Variants in RALYL observed in about 807,000 individuals in gnomAD.
The protein encoded by RALYL is RALY RNA binding protein like, also known as RNA-binding Raly-like protein.
In RALYL, 29 loss-of-function variants were observed where a neutral mutation model predicts 35.1. The ratio of observed to expected loss-of-function variants is 0.83; its 90% CI spans 0.61 to 1.13. The LOEUF (loss-of-function observed/expected upper bound fraction) is 1.13. Among genes scored for constraint, RALYL ranks in the 50% most tolerant of loss-of-function variants. The probability of loss-of-function intolerance (pLI) is 0.00; values close to 1 mark genes in which losing one functional copy is unlikely to be tolerated. For synonymous variants in RALYL, 120 were observed against 127.6 expected (o/e 0.94, Z 0.40); for missense variants, 359 against 360.4 (o/e 1.00, Z 0.03).
intron 1 of RALYL, among the ~76,000 whole-genome samples, chr8:84,250,575 A>T (rs754970556): frequency 6.6e-6 from 1 of 152,082 alleles, no homozygotes; most frequent in Admixed American, 6.6e-5. Context: ...TGATTGGTAT[A>T]TTAATTATAG....
At chr8:84,757,367 A>G (rs1490875913) in intron 2 of RALYL, among the ~76,000 whole-genome samples, 9 of 152,168 alleles carry the variant, frequency 5.9e-5, no homozygotes, top group Non-Finnish European at 1.3e-4. Flanking sequence ...CAATTTATAT[A>G]CAAGTACAGT....
intron 1 of RALYL, among the ~76,000 whole-genome samples, chr8:84,433,300 G>T (rs1393088411): frequency 6.6e-6 from 1 of 152,066 alleles, no homozygotes; most frequent in Non-Finnish European, 1.5e-5. Context: ...AATCAGATCA[G>T]TATTTAGGTC....
At chr8:84,350,571 A>G (rs1457406974) in intron 1 of RALYL, among the ~76,000 whole-genome samples, 4 of 150,210 alleles carry the variant, frequency 2.7e-5, no homozygotes, top group Non-Finnish European at 4.4e-5. Context: ...TTAGTAAGTA[A>G]AAACAAGCCA....
intron 2 of RALYL, among the ~76,000 whole-genome samples, chr8:84,735,812 G>GAGAGAT (rs1491238221): frequency 2.9e-5 from 1 of 34,066 alleles, no homozygotes; most frequent in African/African-American, 1.2e-4. Context: ...TCCAAACCGC[G>GAGAGAT]AGAGAGAGAG....
At chr8:84,689,333 G>C (rs1450718123) in intron 2 of RALYL, among the ~76,000 whole-genome samples, 5 of 151,960 alleles carry the variant, frequency 3.3e-5, no homozygotes, top group African/African-American at 1.2e-4. Flanking sequence ...GCGGTGTTTG[G>C]TTTTTTGTTC....
intron 1 of RALYL, among the ~76,000 whole-genome samples, chr8:84,383,513 G>C (rs760056350): frequency 6.6e-6 from 1 of 151,502 alleles, no homozygotes; most frequent in East Asian, 1.9e-4. Flanking sequence ...TGGAAATTTT[G>C]TGTTATTTTA....
intron 1 of RALYL, among the ~76,000 whole-genome samples, chr8:84,224,508 G>A (rs1158381980): frequency 6.6e-6 from 1 of 152,094 alleles, no homozygotes; most frequent in African/African-American, 2.4e-5. Flanking sequence ...AGTGTTCTCT[G>A]TGCACAGAGA....
At chr8:84,513,031 A>C (rs2057753749) in intron 1 of RALYL, among the ~76,000 whole-genome samples, 1 of 151,996 alleles carries the variant, frequency 6.6e-6, no homozygotes, top group South Asian at 2.1e-4. Context: ...GTTCCATATA[A>C]ATTTTAGTAT....
At chr8:84,844,362 G>T (rs1834124019) in intron 4 of RALYL, among the ~76,000 whole-genome samples, 1 of 152,132 alleles carries the variant, frequency 6.6e-6, no homozygotes, top group Admixed American at 6.5e-5. Flanking sequence ...AAAAACACAT[G>T]AAAAAATGCT....
At chr8:84,547,977 G>A (rs1413620412) in intron 2 of RALYL, among the ~76,000 whole-genome samples, 1 of 151,808 alleles carries the variant, frequency 6.6e-6, no homozygotes, top group Non-Finnish European at 1.5e-5. Context: ...TATCCTTGAA[G>A]GTCACTTTTA....
At chr8:84,689,767 A>T (rs1454731962) in intron 2 of RALYL, among the ~76,000 whole-genome samples, 1 of 152,178 alleles carries the variant, frequency 6.6e-6, no homozygotes, top group Non-Finnish European at 1.5e-5. Flanking sequence ...AATGTTTGCC[A>T]TTCTAACTGG....
At chr8:84,744,150 GAGAT>G (rs1808054105) in intron 2 of RALYL, among the ~76,000 whole-genome samples, 2 of 152,008 alleles carry the variant, frequency 1.3e-5, no homozygotes, top group Non-Finnish European at 2.9e-5. Context: ...AAATGGGCAG[GAGAT>G]AGTTAGATAT....
At chr8:84,276,368 C>A (rs775969094) in intron 1 of RALYL, among the ~76,000 whole-genome samples, 4 of 152,172 alleles carry the variant, frequency 2.6e-5, no homozygotes, top group Non-Finnish European at 5.9e-5. Context: ...TGTGGCTCAG[C>A]AAATGGGATT....
At chr8:84,419,703 C>G (rs1034178697) in intron 1 of RALYL, among the ~76,000 whole-genome samples, 4 of 119,134 alleles carry the variant, frequency 3.4e-5, no homozygotes, top group East Asian at 3.0e-4. Context: ...CCCCTCCCCC[C>G]ACCCCACAAC....
intron 1 of RALYL, among the ~76,000 whole-genome samples, chr8:84,444,399 C>A (rs1317750363): frequency 6.6e-6 from 1 of 151,912 alleles, no homozygotes; most frequent in African/African-American, 2.4e-5. Context: ...ACAAGAACAT[C>A]AAGACAAAAC....
At chr8:84,584,472 G>A (rs151297137) in intron 2 of RALYL, among the ~76,000 whole-genome samples, 133 of 152,046 alleles carry the variant, frequency 8.7e-4, no homozygotes, top group African/African-American at 2.9e-3. Context: ...GCATGGTGGC[G>A]TGCATCTGTA....
chr8:84,334,377 C>T (rs1234903131), intron 1 of RALYL, among the ~76,000 whole-genome samples: 1 of 151,574 alleles, frequency 6.6e-6, no homozygotes, highest in Non-Finnish European at 1.5e-5. Flanking sequence ...TTTATGTAAG[C>T]TATATAAATG....
chr8:84,336,820 C>G lies in RALYL; in HGVS notation c.-24+152396C>G, dbSNP rs921753203. Among the ~76,000 whole-genome samples, 9 of 152,116 alleles carry G rather than the reference C, an allele frequency of 5.9e-5. No homozygotes were observed. In the East Asian group the frequency reaches 1.5e-3, roughly 26 times the overall value. ...GGGCCATCCATTAAGAGGTCCACGA[C>G]TGCACTGAGTCTATGATGCGCAATG... On this transcript the variant is annotated intron_variant, in intron 1 of 8. Coordinates refer to ENST00000521268, the MANE Select transcript of RALYL (RefSeq NM_173848.7).
intron 1 of RALYL, among the ~76,000 whole-genome samples, chr8:84,238,589 A>G (rs1827136596): frequency 6.6e-6 from 1 of 152,162 alleles, no homozygotes; most frequent in African/African-American, 2.4e-5. Flanking sequence ...TTATGTCTTG[A>G]AATTCATGGT....
Sources: gnomAD v4.1 joint callset for allele counts (sites outside exome capture counted in the v4.1 genomes callset) on GRCh38, gnomAD v4.1.1 for gene constraint, MANE v1.5 for transcripts, NCBI Gene and HGNC (gene_info 2026-07-23, HGNC 2026-07-21) for gene names.